The following SORCS2 variants were observed in gnomAD, a reference collection of about 807,000 sequenced individuals.
SORCS2 encodes the protein VPS10 domain-containing receptor SorCS2.
Under a neutral mutation model 141.6 loss-of-function variants are expected in SORCS2, and 100 were observed. The observed-to-expected ratio is 0.71, with a 90% CI of 0.60 to 0.83. The LOEUF is 0.83. Among genes scored for constraint, SORCS2 ranks in the 40% least tolerant of loss-of-function variants. The probability of loss-of-function intolerance (pLI) is 0.00; values close to 1 mark genes in which losing one functional copy is unlikely to be tolerated. For missense variants in SORCS2, 1,646 were observed against 1,560.2 expected, an observed-to-expected ratio of 1.05 and a Z score of -0.93; for synonymous variants, 789 against 676.9, an observed-to-expected ratio of 1.17 and a Z score of -2.57.
intron 1 of SORCS2, among the ~76,000 whole-genome samples, chr4:7,385,842 A>C (rs924929377): frequency 6.6e-6 from 1 of 152,204 alleles, no homozygotes; most frequent in African/African-American, 2.4e-5. Flanking sequence ...AGATGTCTGA[A>C]GTGGCCCTTG....
Position 7,725,301 on chromosome 4 carries a change from G to GC in SORCS2, c.2745+18dup, listed in dbSNP as rs1251499733. 1.9e-6 allele frequency: 3 copies of GC among 1,609,884 alleles called. No individual in the cohort carries two copies. The African/African-American group carries it at 4.0e-5, about 22-fold the overall frequency. On this transcript the variant is annotated intron_variant, in intron 20 of 26. Transcript: ENST00000507866. ...CACAGCCTGCAGGTGCGCTGGCTTT[G>GC]CCCCAACTCAGCCCTTCTTCCCGCA...
chr4:7,299,814 C>T (rs748668590), intron 1 of SORCS2, among the ~76,000 whole-genome samples: 2 of 152,214 alleles, frequency 1.3e-5, no homozygotes, highest in Non-Finnish European at 2.9e-5. Context: ...GACCCCTGAG[C>T]TCTCTGTGTT....
chr4:7,284,863 G>A (rs898498648), intron 1 of SORCS2, among the ~76,000 whole-genome samples: 12 of 152,120 alleles, frequency 7.9e-5, no homozygotes, highest in East Asian at 1.9e-4. Context: ...AGATCCTTCC[G>A]GCCTCTTCTG....
In SORCS2 at chr4:7,742,144, A is replaced by G. The variant is rs545825689; in HGVS notation, c.*1880A>G. 6.6e-6 allele frequency: 1 copy of G among 152,126 alleles called. No individual in the cohort carries two copies. Among genetic ancestry groups the G allele is most frequent in the South Asian group, 2.1e-4 (1 of 4,814 alleles). 9.4% of individuals were successfully genotyped at this position (152,126 alleles called of 1,614,324 possible). A position where few individuals can be genotyped will look rare whatever the true frequency, so the allele number is the denominator to read the frequency against. Reference sequence around the variant, plus strand: ...CACCCTACAAGTTGTCCTCAAGGTCATCCTGGAGATGGGATCCAGGACGTG... The same window carrying G: ...CACCCTACAAGTTGTCCTCAAGGTCGTCCTGGAGATGGGATCCAGGACGTG... On this transcript the variant is annotated 3_prime_UTR_variant, in exon 27 of 27. Coordinates refer to ENST00000507866, the MANE Select transcript of SORCS2 (RefSeq NM_020777.3).
At chr4:7,500,237 C>G (rs1731882507) in intron 2 of SORCS2, among the ~76,000 whole-genome samples, 1 of 152,130 alleles carries the variant, frequency 6.6e-6, no homozygotes, top group Admixed American at 6.5e-5. Flanking sequence ...GTGGAGCCCC[C>G]GGGAGTGTGG....
intron 3 of SORCS2, among the ~76,000 whole-genome samples, chr4:7,551,738 A>T (rs1183415351): frequency 6.6e-6 from 1 of 152,242 alleles, no homozygotes; most frequent in African/African-American, 2.4e-5. Flanking sequence ...TTCAGCATCG[A>T]ACTCCAGGCA....
Position 7,712,699 on chromosome 4 carries a change from G to GT in SORCS2, c.1869-30dup. On this transcript the variant is annotated intron_variant, in intron 14 of 26. Transcript: ENST00000507866. Reference sequence around the variant, plus strand: ...AGTAGGACAAGGCCTAATGAAGGTGGTTTTCTCTCCCTTCCCTCCTCTTCC... The same window carrying GT: ...AGTAGGACAAGGCCTAATGAAGGTGGTTTTTCTCTCCCTTCCCTCCTCTTCC... The GT allele has an allele frequency of 3.1e-6, 5 of 1,613,426 alleles. No homozygotes were observed. The Middle Eastern group carries it at 5.0e-4, about 160-fold the overall frequency.
intron 1 of SORCS2, among the ~76,000 whole-genome samples, chr4:7,271,263 T>C (rs967574344): frequency 8.5e-5 from 13 of 152,186 alleles, no homozygotes; most frequent in African/African-American, 3.1e-4. Flanking sequence ...CACTCCCCAC[T>C]GCTCTCAGAG....
intron 5 of SORCS2, among the ~76,000 whole-genome samples, chr4:7,655,279 G>T (rs1255833183): frequency 6.6e-6 from 1 of 151,904 alleles, no homozygotes; most frequent in Non-Finnish European, 1.5e-5. Flanking sequence ...CATTGCACGG[G>T]CCTCCTGCGC....
chr4:7,502,818 C>T (rs577871206), intron 2 of SORCS2, among the ~76,000 whole-genome samples: 1 of 152,356 alleles, frequency 6.6e-6, no homozygotes, highest in East Asian at 1.9e-4. Flanking sequence ...CACGGCATGC[C>T]CACTTCCACG....
chr4:7,541,025 A>G (rs1712606608), intron 3 of SORCS2, among the ~76,000 whole-genome samples: 1 of 152,140 alleles, frequency 6.6e-6, no homozygotes, highest in African/African-American at 2.4e-5. Context: ...GGACCAAACT[A>G]TCCCTTCTGT....
At chr4:7,453,003 AGGCGCCG>A (rs1462586744) in intron 2 of SORCS2, among the ~76,000 whole-genome samples, 1 of 101,100 alleles carries the variant, frequency 9.9e-6, no homozygotes, top group Admixed American at 1.3e-4. Flanking sequence ...TGTTGGGGTC[AGGCGCCG>A]TGTTGGGGTC....
At chr4:7,399,592 G>C (rs1003237695) in intron 2 of SORCS2, among the ~76,000 whole-genome samples, 1 of 152,056 alleles carries the variant, frequency 6.6e-6, no homozygotes, top group Non-Finnish European at 1.5e-5. Context: ...CCCTTGAATC[G>C]GTGCAAAAGG....
intron 1 of SORCS2, among the ~76,000 whole-genome samples, chr4:7,259,699 C>G (rs978260850): frequency 6.6e-6 from 1 of 152,256 alleles, no homozygotes; most frequent in Admixed American, 6.5e-5. Context: ...ATAGGCCCCA[C>G]GCTGTCTTCC....
intron 2 of SORCS2, among the ~76,000 whole-genome samples, chr4:7,418,003 C>T (rs1356896351): frequency 6.6e-6 from 1 of 152,162 alleles, no homozygotes; most frequent in Non-Finnish European, 1.5e-5. Context: ...TCTGGCTCAT[C>T]AGATGTTTAT....
intron 1 of SORCS2, among the ~76,000 whole-genome samples, chr4:7,333,862 C>A (rs1003756153): frequency 6.6e-6 from 1 of 152,226 alleles, no homozygotes; most frequent in Non-Finnish European, 1.5e-5. Context: ...CCGCATTTCT[C>A]CAGCTGGAAC....
At chr4:7,471,128 G>T (rs1185786628) in intron 2 of SORCS2, among the ~76,000 whole-genome samples, 1 of 152,188 alleles carries the variant, frequency 6.6e-6, no homozygotes, top group Non-Finnish European at 1.5e-5. Flanking sequence ...CCAGGACAGG[G>T]TTCCTGCAGG....
Position 7,481,565 on chromosome 4 carries a change from A to G in SORCS2, c.549-49965A>G, listed in dbSNP as rs190383761. Among the ~76,000 whole-genome samples the G allele has an allele frequency of 1.0e-3, 158 of 152,230 alleles. 1 individual carries two copies. The highest frequency in any genetic ancestry group is 3.5e-3 in the African/African-American group (146 of 41,536). ...GGGGAGCCGAGAGGGATGGTCCTGA[A>G]TGTAACGTTGACCATTGGTGAGCCA... is the stretch of plus-strand genomic sequence containing the variant. On this transcript the variant is annotated intron_variant, in intron 2 of 26. Transcript: ENST00000507866.
intron 1 of SORCS2, among the ~76,000 whole-genome samples, chr4:7,375,584 C>T (rs568878498): frequency 1.3e-5 from 2 of 152,288 alleles, no homozygotes; most frequent in East Asian, 3.9e-4. Context: ...TGCACTTCCT[C>T]GATTGCATGG....
Sources: allele counts gnomAD v4.1 joint callset (sites outside exome capture counted in the v4.1 genomes callset), GRCh38; gene constraint gnomAD v4.1.1; transcripts MANE v1.5; gene names NCBI Gene and HGNC (gene_info 2026-07-23, HGNC 2026-07-21).